PTPRN2: variants seen among roughly 807,000 people sequenced by gnomAD.
The protein encoded by PTPRN2 is receptor-type tyrosine-protein phosphatase N2.
A neutral mutation model predicts 118.8 loss-of-function variants in PTPRN2; 74 were observed. That is an observed-to-expected ratio of 0.62 (90% CI 0.52 to 0.76). The LOEUF (loss-of-function observed/expected upper bound fraction) is 0.76, where lower values mean the gene tolerates loss of function less well. Among genes scored for constraint, PTPRN2 ranks in the 30% least tolerant of loss-of-function variants. The pLI is 0.00. For missense variants in PTPRN2, 1,481 were observed against 1,394.4 expected (o/e 1.06, Z -0.99); for synonymous variants, 641 against 608.0 (o/e 1.05, Z -0.80).
intron 2 of PTPRN2, among the ~76,000 whole-genome samples, chr7:158,363,742 C>T (rs546905066): frequency 1.3e-5 from 2 of 152,118 alleles, no homozygotes; most frequent in Admixed American, 6.5e-5. Flanking sequence ...CGGGAGGGGG[C>T]GGGGCACGGG....
intron 11 of PTPRN2, among the ~76,000 whole-genome samples, chr7:158,050,107 C>T (rs1190375668): frequency 1.3e-5 from 2 of 152,088 alleles, no homozygotes; most frequent in African/African-American, 2.4e-5. Context: ...ATATAACAAG[C>T]GTGTTCCTGA....
intron 2 of PTPRN2, among the ~76,000 whole-genome samples, chr7:158,482,530 A>C (rs1296369220): frequency 6.6e-6 from 1 of 152,226 alleles, no homozygotes; most frequent in Non-Finnish European, 1.5e-5. Flanking sequence ...TTTAGCAAAA[A>C]CATTTTTAAT....
chr7:157,697,988 C>T (rs1797890549), intron 12 of PTPRN2, among the ~76,000 whole-genome samples: 1 of 152,018 alleles, frequency 6.6e-6, no homozygotes, highest in Admixed American at 6.5e-5. Flanking sequence ...TCACCATCTA[C>T]CCATGCATAC....
At chr7:158,334,130 T>C (rs1358345510) in intron 2 of PTPRN2, among the ~76,000 whole-genome samples, 1 of 28,458 alleles carries the variant, frequency 3.5e-5, no homozygotes, top group Non-Finnish European at 7.2e-5. Flanking sequence ...ACCCACACTC[T>C]CACCATAAGA....
chr7:157,747,265 G>C lies in PTPRN2; in HGVS notation c.1789-64328C>G, dbSNP rs1210974129. ...GAGGCCTGCGTCTCTGAGCTGTGGG[G>C]TGTCCGGGTGATTCTGAGGCCTGCG... is the stretch of plus-strand genomic sequence containing the variant. On this transcript the variant is annotated intron_variant, in intron 12 of 22. Coordinates refer to ENST00000389418, the MANE Select transcript of PTPRN2 (RefSeq NM_002847.5). Among the ~76,000 whole-genome samples, 14 of 93,740 alleles carry C rather than the reference G, an allele frequency of 1.5e-4. No homozygotes were observed. In the South Asian group the frequency reaches 2.1e-3, roughly 14 times the overall value. The allele number at this position is 93,740 out of a possible 152,430, so 61.5% of individuals were successfully genotyped here. A position where few individuals can be genotyped will look rare whatever the true frequency, so the allele number is the denominator to read the frequency against.
In PTPRN2 at chr7:157,981,845, T is replaced by A. The variant is rs114447510; in HGVS notation, c.1724-83108A>T. On this transcript the variant is annotated intron_variant, in intron 11 of 22. Coordinates refer to ENST00000389418, the MANE Select transcript of PTPRN2 (RefSeq NM_002847.5). ...ATATCAGCCCATTCTTCAAGGGCTT[T>A]GCAAAGCAGCAGTTCTCCAAATGCA... Among the ~76,000 whole-genome samples the A allele has an allele frequency of 1.2e-3, 189 of 152,412 alleles. 1 individual carries two copies. The highest frequency in any genetic ancestry group is 4.4e-3 in the African/African-American group (183 of 41,606).
intron 12 of PTPRN2, among the ~76,000 whole-genome samples, chr7:157,827,303 C>T (rs1414722554): frequency 3.9e-5 from 6 of 152,076 alleles, no homozygotes; most frequent in African/African-American, 9.7e-5. Flanking sequence ...TTATCTCATT[C>T]GATTCCTGCA....
chr7:158,331,765 T>A (rs1804503645), intron 2 of PTPRN2, among the ~76,000 whole-genome samples: 1 of 149,976 alleles, frequency 6.7e-6, no homozygotes, highest in South Asian at 2.1e-4. Flanking sequence ...ACTCACACTC[T>A]CACCATAAGA....
intron 11 of PTPRN2, among the ~76,000 whole-genome samples, chr7:158,058,581 C>T (rs1418534356): frequency 2.3e-5 from 2 of 87,494 alleles, no homozygotes; most frequent in Non-Finnish European, 4.4e-5. Flanking sequence ...CATCTGCCCA[C>T]GGTGAGACAT....
intron 2 of PTPRN2, among the ~76,000 whole-genome samples, chr7:158,459,416 G>A (rs373429801): frequency 5.9e-5 from 9 of 151,764 alleles, no homozygotes; most frequent in Middle Eastern, 6.8e-3. Flanking sequence ...TGGGACGAAC[G>A]GGATCCAGAA....
chr7:158,030,227 A>G (rs1807583962), intron 11 of PTPRN2: 1 of 152,176 alleles, frequency 6.6e-6, no homozygotes, highest in Non-Finnish European at 1.5e-5. Flanking sequence ...TCCCTCTTAA[A>G]GGTAGAAGAC....
chr7:157,901,467 A>G (rs913460336), intron 11 of PTPRN2, among the ~76,000 whole-genome samples: 1 of 152,158 alleles, frequency 6.6e-6, no homozygotes, highest in African/African-American at 2.4e-5. Flanking sequence ...AAATAATCTC[A>G]AGGGTGCCGA....
At chr7:158,309,227 G>C (rs1385529641) in intron 3 of PTPRN2, among the ~76,000 whole-genome samples, 2 of 10,380 alleles carry the variant, frequency 1.9e-4, no homozygotes, top group Non-Finnish European at 5.9e-4. Flanking sequence ...ATTCACATTT[G>C]AGTCAGTGGA....
At position 157,978,968 on chromosome 7, in the gene PTPRN2, A is replaced by T. The variant is rs143441232; in HGVS notation, c.1724-80231T>A. On this transcript the variant is annotated intron_variant, in intron 11 of 22. Coordinates refer to ENST00000389418, the MANE Select transcript of PTPRN2 (RefSeq NM_002847.5). Reference sequence around the variant, plus strand: ...GACACCTGCCCAGCGGAAGGCCCAGAGGGGGGTGGCTCTCTGGAGTTGACT... The same window carrying T: ...GACACCTGCCCAGCGGAAGGCCCAGTGGGGGGTGGCTCTCTGGAGTTGACT... Among the ~76,000 whole-genome samples, 221 of 152,154 alleles carry T rather than the reference A, an allele frequency of 1.5e-3. 1 individual carries two copies. The highest frequency in any genetic ancestry group is 5.1e-3 in the African/African-American group (214 of 41,566).
chr7:157,872,281 C>G (rs1811125200), intron 12 of PTPRN2, among the ~76,000 whole-genome samples: 1 of 148,814 alleles, frequency 6.7e-6, no homozygotes, highest in Admixed American at 6.7e-5. Context: ...ACACACATAC[C>G]CAGTGTCCTC....
chr7:158,456,590 C>T lies in PTPRN2; in HGVS notation c.163+33145G>A, dbSNP rs768475624. Among the ~76,000 whole-genome samples, 75 of 133,278 alleles carry T rather than the reference C, an allele frequency of 5.6e-4. 1 individual carries two copies. Among genetic ancestry groups the T allele is most frequent in the Middle Eastern group, 5.0e-3 (1 of 202 alleles). 87.4% of individuals were successfully genotyped at this position (133,278 alleles called of 152,430 possible). ...CATCGGCCACGGCCCCCCATTGCTC[C>T]GCAGAGAAGATAACGGCACGGACGC... On this transcript the variant is annotated intron_variant, in intron 2 of 22. Transcript: ENST00000389418.
chr7:158,269,100 G>T lies in PTPRN2; in HGVS notation c.277+47719C>A, dbSNP rs112994686. ...GGAGGAGCACAGGAGGAGCTCCAAG[G>T]CCCCTCAGGAGTCGCCACTGTTGCC... On this transcript the variant is annotated intron_variant, in intron 3 of 22. Coordinates refer to ENST00000389418, the MANE Select transcript of PTPRN2 (RefSeq NM_002847.5). 9.1e-3 allele frequency among the ~76,000 whole-genome samples: 1,388 copies of T among 152,264 alleles called. 25 individuals carry two copies. Among genetic ancestry groups the T allele is most frequent in the African/African-American group, 0.032 (1,309 of 41,546 alleles).
In PTPRN2 at chr7:157,583,934, A is replaced by ACACACACT. The variant is rs1491225034; in HGVS notation, c.2497-5795_2497-5794insAGTGTGTG. Among the ~76,000 whole-genome samples the ACACACACT allele has an allele frequency of 7.3e-6, 1 of 136,204 alleles. No individual in the cohort carries two copies. The highest frequency in any genetic ancestry group is 1.6e-5 in the Non-Finnish European group (1 of 63,284). 89.4% of individuals were successfully genotyped at this position (136,204 alleles called of 152,430 possible). On this transcript the variant is annotated intron_variant, in intron 17 of 22. Coordinates refer to ENST00000389418, the MANE Select transcript of PTPRN2 (RefSeq NM_002847.5). The surrounding 1 kb of genome is among the most constrained non-coding windows in gnomAD (Gnocchi z 5.5). ...CACACACACACACACACACACACAC[A>ACACACACT]CTCTTAAAATAAGCTCTCCTGAAGC...
intron 3 of PTPRN2, among the ~76,000 whole-genome samples, chr7:158,262,721 C>T (rs111162939): frequency 4.1e-4 from 60 of 147,150 alleles, no homozygotes; most frequent in South Asian, 1.8e-3. Context: ...ACACACATTG[C>T]GCACACATAC....
Sources: allele counts gnomAD v4.1 joint callset (sites outside exome capture counted in the v4.1 genomes callset), GRCh38; gene constraint gnomAD v4.1.1; non-coding constraint Gnocchi (gnomAD v3.1); transcripts MANE v1.5; gene names NCBI Gene and HGNC (gene_info 2026-07-23, HGNC 2026-07-21).